TMEM131: variants seen among roughly 807,000 people sequenced by gnomAD.
The protein encoded by TMEM131 is 2610524E03Rik.
Under a neutral mutation model 211.6 loss-of-function variants are expected in TMEM131, and 66 were observed. The observed-to-expected ratio is 0.31, with a 90% CI of 0.26 to 0.38. The LOEUF is 0.38. TMEM131 is among the 10% of genes least tolerant of loss of function. The pLI is 1.00. For synonymous variants in TMEM131, 844 were observed against 841.3 expected (o/e 1.00, Z -0.06); for missense variants, 2,036 against 2,299.3 (o/e 0.89, Z 2.34).
chr2:97,810,229 A>G (rs543353338), intron 18 of TMEM131, among the ~76,000 whole-genome samples: 1 of 152,274 alleles, frequency 6.6e-6, no homozygotes, highest in African/African-American at 2.4e-5. Flanking sequence ...TTAAAAATGC[A>G]CTGAACATTC....
Position 97,797,506 on chromosome 2 carries a change from A to G in TMEM131, c.2729T>C (p.Leu910Pro), listed in dbSNP as rs775975452. ...FQVFRNSAHP[L>P]QSSTGFMEGL... Reference sequence around the variant, plus strand: ...CTCCATAAATCCTGTTGAACTCTGCAGTGGATGAGCCTTGAATCATTGGGT... The same window carrying G: ...CTCCATAAATCCTGTTGAACTCTGCGGTGGATGAGCCTTGAATCATTGGGT... The change falls in exon 26 of 41, where the codon CTG becomes CCG. Residue 910 changes from leucine to proline, a missense_variant. Coordinates refer to ENST00000186436, the MANE Select transcript of TMEM131 (RefSeq NM_015348.2). The G allele has an allele frequency of 6.8e-6, 11 of 1,611,608 alleles. No homozygotes were observed. Among genetic ancestry groups the G allele is most frequent in the Non-Finnish European group, 9.3e-6 (11 of 1,178,910 alleles).
At chr2:97,761,034 G>C in intron 36 of TMEM131, 120 bp from the exon 37 acceptor site, 1 of 1,343,310 alleles carries the variant, frequency 7.4e-7, no homozygotes, top group South Asian at 1.3e-5. Context: ...AGCTCACAGA[G>C]CATCGCTCAG....
intron 1 of TMEM131, among the ~76,000 whole-genome samples, chr2:97,985,948 A>T (rs535858397): frequency 1.4e-4 from 20 of 143,984 alleles, no homozygotes; most frequent in South Asian, 4.3e-4. Context: ...GAAACCATTT[A>T]AAAAAAAAAA....
intron 11 of TMEM131, among the ~76,000 whole-genome samples, chr2:97,830,552 C>T (rs888566747): frequency 2.0e-5 from 3 of 152,188 alleles, no homozygotes; most frequent in Non-Finnish European, 2.9e-5. Flanking sequence ...CAGCATTTAA[C>T]ATTGTATTTC....
intron 2 of TMEM131, among the ~76,000 whole-genome samples, chr2:97,911,012 T>C (rs1044268537): frequency 6.6e-6 from 1 of 152,180 alleles, no homozygotes; most frequent in Non-Finnish European, 1.5e-5. Context: ...CAGCTCAGTA[T>C]TGGAACAGCC....
Position 97,805,565 on chromosome 2 carries a change from C to T in TMEM131, c.2194G>A (p.Gly732Arg), listed in dbSNP as rs1357878437. The T allele has an allele frequency of 6.2e-7, 1 of 1,606,630 alleles. No homozygotes were observed. Among genetic ancestry groups the T allele is most frequent in the Non-Finnish European group, 8.5e-7 (1 of 1,175,432 alleles). ...LRGNKEDLEP[G>R]KKSKIANIYF... is the part of the protein sequence containing the mutation. ...TATCTTCAAACCTTTGATTTTTTTC[C>T]TGGCTCCAAGTCTTCCTTATTGCCC... is the stretch of plus-strand genomic sequence containing the variant. The change falls in exon 20 of 41, where the codon GGA (glycine) becomes AGA (arginine). Residue 732 changes from glycine to arginine, a missense_variant. Gly to Arg is a moderately radical substitution (Grantham distance 125). Around this residue, in one of 3 missense-constraint regions of TMEM131, gnomAD observed 1,623 missense variants for 1,805.9 expected, o/e 0.90. Coordinates refer to ENST00000186436, the MANE Select transcript of TMEM131 (RefSeq NM_015348.2).
chr2:97,772,645 C>T (rs1283873184), intron 32 of TMEM131, among the ~76,000 whole-genome samples: 1 of 152,228 alleles, frequency 6.6e-6, no homozygotes, highest in African/African-American at 2.4e-5. Context: ...CCTGTAATCC[C>T]AGCACTCTGG....
At chr2:97,813,116 A>C (rs1379763190) in intron 15 of TMEM131, among the ~76,000 whole-genome samples, 1 of 152,232 alleles carries the variant, frequency 6.6e-6, no homozygotes, top group Non-Finnish European at 1.5e-5. Flanking sequence ...CAGAAATGAA[A>C]ACAGCCATGG....
chr2:97,809,666 A>T, intron 19 of TMEM131, 22 bp downstream of exon 19: 1 of 1,585,950 alleles, frequency 6.3e-7, no homozygotes, highest in Non-Finnish European at 8.6e-7. Flanking sequence ...CAATAGAAAA[A>T]TGTGTGTATT....
chr2:97,892,348 C>T (rs778661685), intron 3 of TMEM131, among the ~76,000 whole-genome samples: 25 of 151,958 alleles, frequency 1.6e-4, no homozygotes, highest in Non-Finnish European at 3.2e-4. Context: ...CTGATGAGGT[C>T]GAAATGATGA....
At position 97,756,460 on chromosome 2, in the gene TMEM131, G is replaced by A. The variant is rs1678484652; in HGVS notation, c.*639C>T. The A allele has an allele frequency of 6.6e-6, 1 of 152,116 alleles. No homozygotes were observed. Among genetic ancestry groups the A allele is most frequent in the Non-Finnish European group, 1.5e-5 (1 of 68,030 alleles). 9.4% of individuals were successfully genotyped at this position (152,116 alleles called of 1,614,324 possible). A position where few individuals can be genotyped will look rare whatever the true frequency, so the allele number is the denominator to read the frequency against. ...TCAGTTCATCTTTAAAATAAGTTCA[G>A]GTATACAAATGTTACATACCTCAAG... On this transcript the variant is annotated 3_prime_UTR_variant, in exon 41 of 41. Transcript: ENST00000186436.
chr2:97,950,518 T>C (rs1678261435), intron 1 of TMEM131, among the ~76,000 whole-genome samples: 1 of 151,996 alleles, frequency 6.6e-6, no homozygotes, highest in South Asian at 2.1e-4. Context: ...CTTCTCCCCC[T>C]GCTAGCAGCT....
intron 25 of TMEM131, among the ~76,000 whole-genome samples, chr2:97,799,539 T>A (rs1400888480): frequency 6.6e-6 from 1 of 152,206 alleles, no homozygotes; most frequent in Non-Finnish European, 1.5e-5. Flanking sequence ...TACTGAAGTA[T>A]TTGTTTCTAA....
At chr2:97,932,162 CACT>C (rs1279575567) in intron 1 of TMEM131, among the ~76,000 whole-genome samples, 1 of 147,184 alleles carries the variant, frequency 6.8e-6, no homozygotes, top group Non-Finnish European at 1.5e-5. Flanking sequence ...AAAAAAAAGA[CACT>C]GCTATTTTAG....
intron 19 of TMEM131, among the ~76,000 whole-genome samples, chr2:97,807,194 A>T (rs144841336): frequency 1.3e-5 from 2 of 152,218 alleles, no homozygotes; most frequent in Admixed American, 6.5e-5. Context: ...AATTCCAAGC[A>T]AGTATCTGGT....
intron 1 of TMEM131, among the ~76,000 whole-genome samples, chr2:97,984,099 C>T (rs956738759): frequency 6.6e-6 from 1 of 152,194 alleles, no homozygotes; most frequent in South Asian, 2.1e-4. Context: ...AGTAGGTTAA[C>T]ATAAACCATA....
chr2:97,774,433 T>C (rs1179137418), intron 32 of TMEM131, among the ~76,000 whole-genome samples: 4 of 152,206 alleles, frequency 2.6e-5, no homozygotes, highest in Admixed American at 1.3e-4. Flanking sequence ...CTGAGATCAG[T>C]TGCAGAGAAA....
intron 4 of TMEM131, among the ~76,000 whole-genome samples, chr2:97,866,125 G>A (rs576168844): frequency 1.3e-5 from 2 of 152,258 alleles, no homozygotes; most frequent in South Asian, 2.1e-4. Context: ...CTCGTGATCC[G>A]CCTGCCTCGC....
chr2:97,886,106 TTC>T (rs2104242930), intron 4 of TMEM131, among the ~76,000 whole-genome samples: 1 of 152,234 alleles, frequency 6.6e-6, no homozygotes, highest in African/African-American at 2.4e-5. Flanking sequence ...GCTCTAGGAT[TTC>T]TGTTTGGTTC....
Sources: gnomAD v4.1 joint callset for allele counts (sites outside exome capture counted in the v4.1 genomes callset) on GRCh38, gnomAD v4.1.1 for gene constraint, gnomAD v4.1.1 regional missense constraint, MANE v1.5 for transcripts, NCBI Gene and HGNC (gene_info 2026-07-23, HGNC 2026-07-21) for gene names.